TMEM167A: variants seen among roughly 807,000 people sequenced by gnomAD.
The protein encoded by TMEM167A is transmembrane protein 167A.
Under a neutral mutation model 11.6 loss-of-function variants are expected in TMEM167A, and 8 were observed. That is an observed-to-expected ratio of 0.69 (90% CI 0.40 to 1.24). The LOEUF is 1.24. TMEM167A is among the 50% of genes most tolerant of loss of function. TMEM167A has a pLI of 0.01. For missense variants in TMEM167A, 62 were observed against 87.0 expected, an observed-to-expected ratio of 0.71 and a Z score of 1.14; for synonymous variants, 22 against 28.0, an observed-to-expected ratio of 0.79 and a Z score of 0.67.
At chr5:83,059,127 T>C (rs577723554) in intron 3 of TMEM167A, among the ~76,000 whole-genome samples, 111 of 142,730 alleles carry the variant, frequency 7.8e-4, no homozygotes, top group Admixed American at 2.2e-3. Context: ...ATAGCATTCA[T>C]ACAGTCAAGA....
At chr5:83,062,030 T>C in intron 2 of TMEM167A, 119 bp from the exon 3 acceptor site, 1 of 807,900 alleles carries the variant, frequency 1.2e-6, no homozygotes, top group Non-Finnish European at 2.0e-6. Flanking sequence ...AACACTTTGC[T>C]TCAAATTTGA....
intron 1 of TMEM167A, among the ~76,000 whole-genome samples, chr5:83,072,983 T>C (rs1253628731): frequency 1.3e-5 from 2 of 152,192 alleles, no homozygotes; most frequent in Non-Finnish European, 2.9e-5. Flanking sequence ...AAAGCAATAT[T>C]AGCAACAGAA....
chr5:83,061,954 C>A (rs762447330), intron 2 of TMEM167A, 43 bp from the exon 3 acceptor site: 1 of 1,508,240 alleles, frequency 6.6e-7, no homozygotes, highest in Admixed American at 1.7e-5. Context: ...ATTGATTACT[C>A]GGAAAGGTAA....
intron 1 of TMEM167A, among the ~76,000 whole-genome samples, chr5:83,065,353 G>C (rs896734450): frequency 6.6e-6 from 1 of 151,970 alleles, no homozygotes; most frequent in African/African-American, 2.4e-5. Context: ...CTTTGGCTGG[G>C]CGGAGAATGG....
intron 3 of TMEM167A, among the ~76,000 whole-genome samples, chr5:83,058,643 A>T (rs1744366070): frequency 6.6e-6 from 1 of 152,136 alleles, no homozygotes; most frequent in Non-Finnish European, 1.5e-5. Context: ...ATAGAGTCTT[A>T]TTAAATACTT....
chr5:83,059,558 G>A (rs970937491), intron 3 of TMEM167A, among the ~76,000 whole-genome samples: 2 of 151,888 alleles, frequency 1.3e-5, no homozygotes, highest in African/African-American at 4.8e-5. Context: ...GCGGTTTGGT[G>A]TGTGTATAGT....
rs912839588 is a variant in TMEM167A at position 83,061,102 on chromosome 5, C to T, written c.148+775G>A. 2.6e-5 allele frequency among the ~76,000 whole-genome samples: 4 copies of T among 152,146 alleles called. No homozygotes were observed. The East Asian group carries it at 7.7e-4, about 29-fold the overall frequency. ...GTGTAGTACTTTAACTCGAGTCAAA[C>T]AGTTCGGCTATGACCACATGGGTTC... On this transcript the variant is annotated intron_variant, in intron 3 of 3. Coordinates refer to ENST00000502346, the MANE Select transcript of TMEM167A (RefSeq NM_174909.5).
chr5:83,053,625 A>T lies in TMEM167A; in HGVS notation c.*3459T>A, dbSNP rs548793206. ...GAGGTAGGTAATCAACAGGAATGAGAAAAATACAAGACAGTCTAAGATCTA... is the reference window on the plus strand; with the variant it reads ...GAGGTAGGTAATCAACAGGAATGAGTAAAATACAAGACAGTCTAAGATCTA... On this transcript the variant is annotated 3_prime_UTR_variant, in exon 4 of 4. Coordinates refer to ENST00000502346, the MANE Select transcript of TMEM167A (RefSeq NM_174909.5). The T allele has an allele frequency of 7.9e-5, 12 of 152,128 alleles. No individual in the cohort carries two copies. The highest frequency in any genetic ancestry group is 2.6e-4 in the Admixed American group (4 of 15,246). The allele number at this position is 152,128 out of a possible 1,614,324, so 9.4% of individuals were successfully genotyped here.
intron 2 of TMEM167A, 47 bp downstream of exon 2, chr5:83,064,961 C>A: frequency 9.2e-7 from 1 of 1,087,472 alleles, no homozygotes; most frequent in Non-Finnish European, 1.4e-6. Flanking sequence ...TTACATTGAA[C>A]ATTTGTAAGA....
chr5:83,057,227 A>AT, intron 3 of TMEM167A, 73 bp from the exon 4 acceptor site: 1 of 1,384,222 alleles, frequency 7.2e-7, no homozygotes, highest in Non-Finnish European at 1.0e-6. Flanking sequence ...TTATACTACC[A>AT]TAAGAATCAA....
At position 83,055,661 on chromosome 5, in the gene TMEM167A, C is replaced by T. The variant is rs1278596088; in HGVS notation, c.*1423G>A. The T allele has an allele frequency of 6.6e-6, 1 of 151,854 alleles. No homozygotes were observed. Among genetic ancestry groups the T allele is most frequent in the African/African-American group, 2.4e-5 (1 of 41,344 alleles). The allele number at this position is 151,854 out of a possible 1,614,324, so 9.4% of individuals were successfully genotyped here. A position where few individuals can be genotyped will look rare whatever the true frequency, so the allele number is the denominator to read the frequency against. ...CAAAAAACACCCCCAAACAAAAAAC[C>T]ACCACAGGCAACACACAAGCTTAAG... On this transcript the variant is annotated 3_prime_UTR_variant, in exon 4 of 4. Transcript: ENST00000502346.
In TMEM167A at chr5:83,077,305, G is replaced by T. The variant is rs200381161; in HGVS notation, c.3+16C>A. 97 of 1,614,044 alleles carry T rather than the reference G, an allele frequency of 6.0e-5. No homozygotes were observed. The highest frequency in any genetic ancestry group is 1.0e-4 in the Admixed American group (6 of 60,014). ...TTCTCGAAGATCAACCGCGACCTGG[G>T]AGCCCCACTTCTTACCATAGCGAGG... is the stretch of plus-strand genomic sequence containing the variant. On this transcript the variant is annotated intron_variant, in intron 1 of 3. Transcript: ENST00000502346.
At position 83,053,457 on chromosome 5, in the gene TMEM167A, G is replaced by C. The variant is rs1362060027; in HGVS notation, c.*3627C>G. On this transcript the variant is annotated 3_prime_UTR_variant, in exon 4 of 4. Coordinates refer to ENST00000502346, the MANE Select transcript of TMEM167A (RefSeq NM_174909.5). Reference sequence around the variant, plus strand: ...TATATACTATTCAGGCAAGTCTTCGGAAAGTATACTACTGTATTCCTAGTC... The same window carrying C: ...TATATACTATTCAGGCAAGTCTTCGCAAAGTATACTACTGTATTCCTAGTC... 6.6e-6 allele frequency: 1 copy of C among 151,966 alleles called. No homozygotes were observed. The highest frequency in any genetic ancestry group is 1.5e-5 in the Non-Finnish European group (1 of 67,926). 9.4% of individuals were successfully genotyped at this position (151,966 alleles called of 1,614,324 possible).
At position 83,061,144 on chromosome 5, in the gene TMEM167A, A is replaced by G. The variant is rs1215984980; in HGVS notation, c.148+733T>C. ...CATGGGTTCAATAGACAAAACAGTT[A>G]AACATTCTGTTATTTAAATAGGGCA... On this transcript the variant is annotated intron_variant, in intron 3 of 3. Coordinates refer to ENST00000502346, the MANE Select transcript of TMEM167A (RefSeq NM_174909.5). Among the ~76,000 whole-genome samples the G allele has an allele frequency of 3.9e-5, 6 of 152,226 alleles. No individual in the cohort carries two copies. The East Asian group carries it at 1.2e-3, about 29-fold the overall frequency.
At position 83,059,781 on chromosome 5, in the gene TMEM167A, T is replaced by G. The variant is rs1744381035; in HGVS notation, c.148+2096A>C. On this transcript the variant is annotated intron_variant, in intron 3 of 3. Transcript: ENST00000502346. Reference sequence around the variant, plus strand: ...CTATGGACATTTTGAGCTTGATAATTCTGTTGTGATGGATTCCCTGTGCAT... The same window carrying G: ...CTATGGACATTTTGAGCTTGATAATGCTGTTGTGATGGATTCCCTGTGCAT... Among the ~76,000 whole-genome samples, 3 of 152,140 alleles carry G rather than the reference T, an allele frequency of 2.0e-5. No homozygotes were observed. In the South Asian group the frequency reaches 6.2e-4, roughly 32 times the overall value.
At chr5:83,072,761 C>T (rs1744581959) in intron 1 of TMEM167A, among the ~76,000 whole-genome samples, 1 of 152,048 alleles carries the variant, frequency 6.6e-6, no homozygotes, top group Non-Finnish European at 1.5e-5. Flanking sequence ...CGAATGCCTG[C>T]CTCAGCCTCC....
In TMEM167A at chr5:83,061,922, T is replaced by G. The variant is rs768781802; in HGVS notation, c.114-11A>C. 2.5e-6 allele frequency: 4 copies of G among 1,609,470 alleles called. No homozygotes were observed. In the South Asian group the frequency reaches 4.4e-5, roughly 18 times the overall value. ...AATATACCCAACAATCTGCATAGAA[T>G]AAAAAAAGAAAAAAAGTAGCTATTG... On this transcript the variant is annotated splice_polypyrimidine_tract_variant and intron_variant, in intron 2 of 3. Coordinates refer to ENST00000502346, the MANE Select transcript of TMEM167A (RefSeq NM_174909.5).
At position 83,057,948 on chromosome 5, in the gene TMEM167A, T is replaced by C. The variant is rs182813901; in HGVS notation, c.149-794A>G. On this transcript the variant is annotated intron_variant, in intron 3 of 3. Transcript: ENST00000502346. The stretch of plus-strand genomic sequence containing the variant: ...TCTGTTCCTTCAATAACTGCAAGGC[T>C]ATACTAATTCATAAAGCACCAGACA... Among the ~76,000 whole-genome samples, 136 of 152,206 alleles carry C rather than the reference T, an allele frequency of 8.9e-4. No individual in the cohort carries two copies. In the Middle Eastern group the frequency reaches 0.014, roughly 15 times the overall value.
At chr5:83,058,355 G>C (rs976031091) in intron 3 of TMEM167A, among the ~76,000 whole-genome samples, 2 of 151,908 alleles carry the variant, frequency 1.3e-5, no homozygotes, top group African/African-American at 4.8e-5. Context: ...TTTTCTGAAA[G>C]TATTTGTTTA....
Sources: allele counts gnomAD v4.1 joint callset (sites outside exome capture counted in the v4.1 genomes callset), GRCh38; gene constraint gnomAD v4.1.1; transcripts MANE v1.5; gene names NCBI Gene and HGNC (gene_info 2026-07-23, HGNC 2026-07-21).